The following NBEA variants were observed in gnomAD, a reference collection of about 807,000 sequenced individuals.
NBEA encodes neurobeachin, also known as lysosomal-trafficking regulator 2.
Under a neutral mutation model 343.4 loss-of-function variants are expected in NBEA, and 44 were observed. The observed-to-expected ratio is 0.13, with a 90% CI of 0.10 to 0.16. NBEA has a LOEUF of 0.16. Ranked by LOEUF, NBEA falls within the 10% of genes least tolerant of loss-of-function variation. NBEA has a pLI of 1.00. For synonymous variants in NBEA, 1,175 were observed against 1,238.7 expected, an observed-to-expected ratio of 0.95 and a Z score of 1.08; for missense variants, 2,555 against 3,631.3, an observed-to-expected ratio of 0.70 and a Z score of 7.62.
chr13:35,228,128 A>C (rs1778858226), intron 33 of NBEA, among the ~76,000 whole-genome samples: 1 of 152,094 alleles, frequency 6.6e-6, no homozygotes, highest in Non-Finnish European at 1.5e-5. Flanking sequence ...TCTTAGAATT[A>C]AGTGTGAATG....
At chr13:35,045,196 A>G in intron 3 of NBEA, 110 bp from the exon 4 acceptor site, 4 of 1,209,528 alleles carry the variant, frequency 3.3e-6, no homozygotes, top group Non-Finnish European at 4.6e-6. Flanking sequence ...TAAATGATTT[A>G]AAATTAATTT....
chr13:35,531,464 T>C (rs993385936), intron 41 of NBEA, among the ~76,000 whole-genome samples: 3 of 152,214 alleles, frequency 2.0e-5, no homozygotes, highest in African/African-American at 7.2e-5. Flanking sequence ...ATACAAAATA[T>C]AATAATGTTT....
intron 10 of NBEA, 129 bp from the exon 11 acceptor site, chr13:35,098,168 G>T (rs564536489): frequency 3.3e-6 from 2 of 605,474 alleles, no homozygotes; most frequent in South Asian, 2.4e-5. Context: ...AGGCATAATA[G>T]TCATTGTCAG....
chr13:35,533,271 T>C (rs1275712606), intron 41 of NBEA, among the ~76,000 whole-genome samples: 1 of 152,198 alleles, frequency 6.6e-6, no homozygotes, highest in Non-Finnish European at 1.5e-5. Flanking sequence ...AAGCCATTTT[T>C]ACTATTTTCT....
At chr13:35,394,794 G>A (rs993036313) in intron 38 of NBEA, among the ~76,000 whole-genome samples, 1 of 151,794 alleles carries the variant, frequency 6.6e-6, no homozygotes, top group Non-Finnish European at 1.5e-5. Flanking sequence ...CTTATATTAG[G>A]CTTACTTTGT....
intron 4 of NBEA, 44 bp downstream of exon 4, chr13:35,045,445 A>G (rs1323759616): frequency 6.9e-7 from 1 of 1,442,036 alleles, no homozygotes; most frequent in Non-Finnish European, 9.5e-7. Context: ...ATTTATTTTT[A>G]GGTCACCTTT....
intron 48 of NBEA, among the ~76,000 whole-genome samples, chr13:35,624,463 G>T (rs1428990800): frequency 6.6e-6 from 1 of 151,930 alleles, no homozygotes; most frequent in African/African-American, 2.4e-5. Flanking sequence ...TGGGGACCTT[G>T]GATAGTAAAA....
chr13:35,344,023 C>T (rs959513295), intron 36 of NBEA, among the ~76,000 whole-genome samples: 3 of 151,972 alleles, frequency 2.0e-5, no homozygotes, highest in African/African-American at 7.2e-5. Flanking sequence ...GAACTGATGA[C>T]ATAGTTAGAT....
At chr13:35,170,447 G>C (rs2070375938) in intron 25 of NBEA, among the ~76,000 whole-genome samples, 1 of 151,550 alleles carries the variant, frequency 6.6e-6, no homozygotes, top group Non-Finnish European at 1.5e-5. Flanking sequence ...TAGTCCTAAG[G>C]AACAAAAATA....
chr13:35,621,036 G>A (rs977389673), intron 48 of NBEA, among the ~76,000 whole-genome samples: 1 of 152,106 alleles, frequency 6.6e-6, no homozygotes, highest in African/African-American at 2.4e-5. Context: ...CTAAGCAGCG[G>A]AAAAAGCCAG....
chr13:35,431,930 C>T (rs118024374), intron 38 of NBEA, among the ~76,000 whole-genome samples: 40 of 152,142 alleles, frequency 2.6e-4, no homozygotes, highest in Non-Finnish European at 4.4e-4. Flanking sequence ...GCAAACTGTA[C>T]CATTACTACG....
intron 38 of NBEA, among the ~76,000 whole-genome samples, chr13:35,355,647 T>G (rs1003962344): frequency 6.6e-6 from 1 of 152,130 alleles, no homozygotes; most frequent in Non-Finnish European, 1.5e-5. Context: ...GTTTAGTCTT[T>G]GTTTGTTAAC....
chr13:35,620,600 C>T (rs900962672), intron 48 of NBEA, among the ~76,000 whole-genome samples: 1 of 152,016 alleles, frequency 6.6e-6, no homozygotes, highest in African/African-American at 2.4e-5. Flanking sequence ...AAAGTCCTTG[C>T]AATCTTTTGA....
chr13:35,452,296 A>G, intron 40 of NBEA, 61 bp downstream of exon 40: 6 of 1,276,872 alleles, frequency 4.7e-6, no homozygotes, highest in Non-Finnish European at 6.6e-6. Flanking sequence ...ACTGAATTCA[A>G]AATCTGTCTC....
chr13:35,164,173 G>A (rs1406473123), intron 23 of NBEA, among the ~76,000 whole-genome samples, 183 bp from the exon 24 acceptor site: 5 of 152,166 alleles, frequency 3.3e-5, no homozygotes, highest in Admixed American at 2.6e-4. Context: ...ACAAAATCCT[G>A]TGGAGATGAA....
intron 21 of NBEA, among the ~76,000 whole-genome samples, chr13:35,158,199 G>C (rs959623666): frequency 9.9e-5 from 15 of 151,812 alleles, no homozygotes; most frequent in African/African-American, 3.6e-4. Context: ...AAAATTAAGG[G>C]GATTTTTGTA....
At chr13:35,426,576 A>C (rs1027071980) in intron 38 of NBEA, among the ~76,000 whole-genome samples, 1 of 152,002 alleles carries the variant, frequency 6.6e-6, no homozygotes, top group Non-Finnish European at 1.5e-5. Flanking sequence ...GCTGCCCTTA[A>C]CGTTTTTTCC....
chr13:35,082,559 C>T (rs975071010), intron 10 of NBEA, among the ~76,000 whole-genome samples: 1 of 152,184 alleles, frequency 6.6e-6, no homozygotes, highest in Non-Finnish European at 1.5e-5. Flanking sequence ...TCCTATTTCT[C>T]CACATCTTCT....
At chr13:35,578,181 GCA>G (rs1487090145) in intron 45 of NBEA, among the ~76,000 whole-genome samples, 1 of 152,134 alleles carries the variant, frequency 6.6e-6, no homozygotes, top group Admixed American at 6.5e-5. Context: ...GCTGTATCTA[GCA>G]CAGAGCTGCA....
Sources: gnomAD v4.1 joint callset for allele counts (sites outside exome capture counted in the v4.1 genomes callset) on GRCh38, gnomAD v4.1.1 for gene constraint, MANE v1.5 for transcripts, NCBI Gene and HGNC (gene_info 2026-07-23, HGNC 2026-07-21) for gene names.